DGKB: variants seen among roughly 807,000 people sequenced by gnomAD.
DGKB encodes 90 kDa diacylglycerol kinase.
DGKB carries 67 observed loss-of-function variants against 114.3 expected under a neutral mutation model. That is an observed-to-expected ratio of 0.59 (90% CI 0.48 to 0.72). The LOEUF (loss-of-function observed/expected upper bound fraction) is 0.72. DGKB is among the 30% of genes least tolerant of loss of function. DGKB has a pLI of 0.00. For missense variants in DGKB, 907 were observed against 975.2 expected, an observed-to-expected ratio of 0.93 and a Z score of 0.93; for synonymous variants, 398 against 323.1, an observed-to-expected ratio of 1.23 and a Z score of -2.49.
At position 14,613,547 on chromosome 7, in the gene DGKB, A is replaced by T. The variant is rs377523870; in HGVS notation, c.1285-134T>A. Reference sequence around the variant, plus strand: ...TACTTTCCACAATGTGTGTGTGTGCATGTGTGTGTGAGTGTGTGCGTGTGT... The same window carrying T: ...TACTTTCCACAATGTGTGTGTGTGCTTGTGTGTGTGAGTGTGTGCGTGTGT... On this transcript the variant is annotated intron_variant, in intron 15 of 25. Coordinates refer to ENST00000402815, the MANE Select transcript of DGKB (RefSeq NM_001350709.2). 26 of 595,988 alleles carry T rather than the reference A, an allele frequency of 4.4e-5. No individual in the cohort carries two copies. In the East Asian group the frequency reaches 6.5e-4, roughly 15 times the overall value. The allele number at this position is 595,988 out of a possible 1,614,324, so 36.9% of individuals were successfully genotyped here.
chr7:14,930,765 G>C (rs1299779477), intron 1 of DGKB, among the ~76,000 whole-genome samples: 2 of 152,084 alleles, frequency 1.3e-5, no homozygotes, highest in Non-Finnish European at 2.9e-5. Flanking sequence ...GGTGAGAATG[G>C]GCATCCTTGA....
intron 21 of DGKB, among the ~76,000 whole-genome samples, chr7:14,379,560 T>A (rs1819060002): frequency 2.0e-5 from 3 of 151,894 alleles, no homozygotes; most frequent in Non-Finnish European, 4.4e-5. Context: ...TTTTTTATTT[T>A]ATTTTTTATT....
intron 2 of DGKB, among the ~76,000 whole-genome samples, chr7:14,776,136 T>C (rs1386266285): frequency 1.3e-5 from 2 of 152,168 alleles, no homozygotes; most frequent in East Asian, 1.9e-4. Flanking sequence ...GCCCCTGCTG[T>C]AGATACCTGT....
At chr7:14,290,642 C>T (rs796342679) in intron 23 of DGKB, among the ~76,000 whole-genome samples, 13 of 152,200 alleles carry the variant, frequency 8.5e-5, no homozygotes, top group African/African-American at 2.9e-4. Context: ...AAAGCTTCTT[C>T]CCAGAGGAGA....
intron 20 of DGKB, among the ~76,000 whole-genome samples, chr7:14,563,906 T>C (rs1000058330): frequency 5.2e-4 from 79 of 152,206 alleles, no homozygotes; most frequent in Non-Finnish European, 4.1e-4. Context: ...CTGCTCACTC[T>C]GTGCTCAGCC....
intron 20 of DGKB, among the ~76,000 whole-genome samples, chr7:14,563,946 A>T (rs528875477): frequency 9.7e-4 from 148 of 152,294 alleles, no homozygotes; most frequent in African/African-American, 3.3e-3. Flanking sequence ...GGTTTCTGCT[A>T]GCACAAGCCA....
At chr7:14,204,411 C>G (rs1786409230) in intron 23 of DGKB, among the ~76,000 whole-genome samples, 1 of 151,990 alleles carries the variant, frequency 6.6e-6, no homozygotes, top group Non-Finnish European at 1.5e-5. Context: ...TGACACATTT[C>G]TGTGTCTATG....
At chr7:14,636,955 T>C (rs1223108758) in intron 13 of DGKB, among the ~76,000 whole-genome samples, 1 of 151,866 alleles carries the variant, frequency 6.6e-6, no homozygotes, top group Non-Finnish European at 1.5e-5. Flanking sequence ...TTTAAGAGAA[T>C]AAATAATACA....
chr7:14,516,316 A>G (rs1788786956), intron 20 of DGKB, among the ~76,000 whole-genome samples: 1 of 152,250 alleles, frequency 6.6e-6, no homozygotes, highest in Non-Finnish European at 1.5e-5. Context: ...AAATATGTCT[A>G]TAAAAATCAA....
At chr7:14,281,425 C>T (rs1192627854) in intron 23 of DGKB, among the ~76,000 whole-genome samples, 4 of 138,110 alleles carry the variant, frequency 2.9e-5, no homozygotes, top group Admixed American at 7.4e-5. Flanking sequence ...GACTTTAACA[C>T]CCCACTGTCA....
intron 1 of DGKB, among the ~76,000 whole-genome samples, chr7:14,960,037 G>C (rs187688913): frequency 6.6e-6 from 1 of 151,914 alleles, no homozygotes; most frequent in Admixed American, 6.6e-5. Flanking sequence ...CAACTTCATC[G>C]TCAGTCATTT....
intron 2 of DGKB, among the ~76,000 whole-genome samples, chr7:14,777,066 A>C (rs547281197): frequency 1.2e-4 from 18 of 152,202 alleles, no homozygotes; most frequent in African/African-American, 4.1e-4. Context: ...TTGAGGTTTA[A>C]TGACTGCCCT....
intron 1 of DGKB, among the ~76,000 whole-genome samples, chr7:14,867,336 G>T (rs543738066): frequency 6.6e-6 from 1 of 151,864 alleles, no homozygotes; most frequent in Non-Finnish European, 1.5e-5. Flanking sequence ...TATCTTCTAA[G>T]ATTTTGCTAC....
chr7:14,428,189 T>C (rs1827874046), intron 21 of DGKB, among the ~76,000 whole-genome samples: 1 of 152,034 alleles, frequency 6.6e-6, no homozygotes, highest in Non-Finnish European at 1.5e-5. Flanking sequence ...ATATATAATT[T>C]TCTTTACAAT....
chr7:14,253,170 G>A (rs1046201565), intron 23 of DGKB, among the ~76,000 whole-genome samples: 2 of 151,968 alleles, frequency 1.3e-5, no homozygotes, highest in African/African-American at 4.8e-5. Context: ...AAGTAGCTGC[G>A]ACTACAAGTG....
At chr7:14,459,952 T>C (rs540749081) in intron 21 of DGKB, among the ~76,000 whole-genome samples, 5 of 152,266 alleles carry the variant, frequency 3.3e-5, no homozygotes, top group African/African-American at 1.2e-4. Context: ...ATCAACATTC[T>C]TAAAGAAATG....
At chr7:14,373,310 T>G (rs1310359964) in intron 21 of DGKB, among the ~76,000 whole-genome samples, 1 of 152,228 alleles carries the variant, frequency 6.6e-6, no homozygotes, top group Non-Finnish European at 1.5e-5. Flanking sequence ...AATGTGTCTT[T>G]TCAAATACAG....
chr7:14,507,720 ACTAT>A (rs765447380), intron 20 of DGKB, among the ~76,000 whole-genome samples: 2 of 152,152 alleles, frequency 1.3e-5, no homozygotes, highest in East Asian at 1.9e-4. Context: ...CATTCTATGT[ACTAT>A]CTATCGAAAT....
At chr7:14,491,454 T>G (rs1027838305) in intron 20 of DGKB, among the ~76,000 whole-genome samples, 1 of 152,100 alleles carries the variant, frequency 6.6e-6, no homozygotes. Flanking sequence ...ATGTCTTTAT[T>G]TGCAGCATGG....
Sources: gnomAD v4.1 joint callset for allele counts (sites outside exome capture counted in the v4.1 genomes callset) on GRCh38, gnomAD v4.1.1 for gene constraint, MANE v1.5 for transcripts, NCBI Gene and HGNC (gene_info 2026-07-23, HGNC 2026-07-21) for gene names.